JAZF1: variants seen among roughly 807,000 people sequenced by gnomAD.
The protein encoded by JAZF1 is juxtaposed with another zinc finger protein 1.
A neutral mutation model predicts 26.4 loss-of-function variants in JAZF1; 8 were observed. That is an observed-to-expected ratio of 0.30 (90% CI 0.18 to 0.55). JAZF1 has a LOEUF of 0.55. Ranked by LOEUF, JAZF1 falls within the 20% of genes least tolerant of loss-of-function variation. The probability of loss-of-function intolerance (pLI) is 0.94; values close to 1 mark genes in which losing one functional copy is unlikely to be tolerated. For synonymous variants in JAZF1, 126 were observed against 122.3 expected (o/e 1.03, Z -0.20); for missense variants, 199 against 322.0 (o/e 0.62, Z 2.92).
intron 1 of JAZF1, among the ~76,000 whole-genome samples, chr7:28,100,907 GA>G (rs915401444): frequency 6.6e-6 from 1 of 152,000 alleles, no homozygotes; most frequent in African/African-American, 2.4e-5. Context: ...TTAAAAACTG[GA>G]AAAAACAAAA....
chr7:28,123,236 C>A, intron 1 of JAZF1, among the ~76,000 whole-genome samples: 1 of 152,168 alleles, frequency 6.6e-6, no homozygotes, highest in Non-Finnish European at 1.5e-5. Flanking sequence ...TCATGACCAC[C>A]CCCAGCACCT....
At chr7:27,987,656 G>A in intron 2 of JAZF1, among the ~76,000 whole-genome samples, 1 of 152,180 alleles carries the variant, frequency 6.6e-6, no homozygotes, top group Non-Finnish European at 1.5e-5. Context: ...GAAGTGAGGA[G>A]CCCCTCTGCC....
At chr7:27,991,318 T>C (rs1785898211) in intron 2 of JAZF1, among the ~76,000 whole-genome samples, 1 of 152,180 alleles carries the variant, frequency 6.6e-6, no homozygotes, top group Non-Finnish European at 1.5e-5. Flanking sequence ...TATTACTGTC[T>C]CCCTAATTAT....
intron 3 of JAZF1, among the ~76,000 whole-genome samples, chr7:27,871,007 T>G (rs535327497): frequency 3.3e-5 from 5 of 152,300 alleles, no homozygotes; most frequent in African/African-American, 1.2e-4. Flanking sequence ...AGTACGTATA[T>G]GTAGATGCAG....
At chr7:28,145,637 T>A (rs1783015796) in intron 1 of JAZF1, among the ~76,000 whole-genome samples, 1 of 152,102 alleles carries the variant, frequency 6.6e-6, no homozygotes, top group South Asian at 2.1e-4. Context: ...ACAATTTATA[T>A]AAAATCAGAG....
At chr7:27,907,325 C>A (rs965400758) in intron 2 of JAZF1, among the ~76,000 whole-genome samples, 3 of 152,156 alleles carry the variant, frequency 2.0e-5, no homozygotes, top group Admixed American at 2.0e-4. Context: ...TGTTAGGAGA[C>A]CACTCAGAGT....
chr7:28,057,782 C>A (rs987409496), intron 1 of JAZF1, among the ~76,000 whole-genome samples: 1 of 152,136 alleles, frequency 6.6e-6, no homozygotes, highest in Non-Finnish European at 1.5e-5. Flanking sequence ...AGATTTAAAT[C>A]TCTGCCCTAA....
intron 1 of JAZF1, among the ~76,000 whole-genome samples, chr7:28,170,446 A>C (rs1482047191): frequency 6.6e-6 from 1 of 151,244 alleles, no homozygotes; most frequent in Non-Finnish European, 1.5e-5. Flanking sequence ...GTTTGTCAGG[A>C]GAACCTATCC....
At chr7:27,910,297 T>C (rs1204885535) in intron 2 of JAZF1, among the ~76,000 whole-genome samples, 1 of 152,218 alleles carries the variant, frequency 6.6e-6, no homozygotes, top group Non-Finnish European at 1.5e-5. Context: ...TTCCCCTACA[T>C]GCTCCATCCC....
intron 2 of JAZF1, among the ~76,000 whole-genome samples, chr7:27,972,254 C>T (rs1479825477): frequency 6.6e-6 from 1 of 152,172 alleles, no homozygotes; most frequent in African/African-American, 2.4e-5. Flanking sequence ...GAGGGAAGCC[C>T]TGCTGCGCAA....
intron 1 of JAZF1, among the ~76,000 whole-genome samples, chr7:28,125,852 T>G (rs1028365667): frequency 6.6e-6 from 1 of 152,192 alleles, no homozygotes; most frequent in African/African-American, 2.4e-5. Context: ...TCATCAGTGC[T>G]AAATGATAGA....
intron 1 of JAZF1, among the ~76,000 whole-genome samples, chr7:28,175,745 A>C (rs1783540864): frequency 6.6e-6 from 1 of 152,204 alleles, no homozygotes; most frequent in Non-Finnish European, 1.5e-5. Flanking sequence ...CTAATTGGCA[A>C]CTGGCATAGG....
intron 3 of JAZF1, among the ~76,000 whole-genome samples, 188 bp downstream of exon 3, chr7:27,895,029 CAAT>C: frequency 6.6e-6 from 1 of 152,114 alleles, no homozygotes; most frequent in African/African-American, 2.4e-5. Context: ...TGCATATTAA[CAAT>C]AATCTATAAA....
chr7:27,898,286 C>CATATATATATATATATATATATAT (rs10638646), intron 2 of JAZF1, among the ~76,000 whole-genome samples: 2 of 99,576 alleles, frequency 2.0e-5, no homozygotes, highest in African/African-American at 4.0e-5. Flanking sequence ...ACGTCTAACT[C>CATATATATATATATATATATATAT]ATATATATAT....
At position 28,030,160 on chromosome 7, in the gene JAZF1, T is replaced by G. The variant is rs1783165822; in HGVS notation, c.116-38179A>C. ...AGGGGCTGGCGCAGGATGGAGAATG[T>G]TTCTAAAGAATTGAAAAGGAGTGTT... On this transcript the variant is annotated intron_variant, in intron 1 of 4. Transcript: ENST00000283928. Among the ~76,000 whole-genome samples the G allele has an allele frequency of 1.3e-5, 2 of 152,306 alleles. 1 individual carries two copies. The highest frequency in any genetic ancestry group is 6.8e-3 in the Middle Eastern group (2 of 294).
chr7:27,893,433 C>T lies in JAZF1; in HGVS notation c.385+1787G>A, dbSNP rs73299425. On this transcript the variant is annotated intron_variant, in intron 3 of 4. Transcript: ENST00000283928. ...TGAATAAGACCCCCAGTGCCCTAGT[C>T]CCCGCCTACCTCCTCAGTCTCATCT... Among the ~76,000 whole-genome samples the T allele has an allele frequency of 4.0e-3, 608 of 152,316 alleles. 4 individuals are homozygous for T. Among genetic ancestry groups the T allele is most frequent in the African/African-American group, 0.014 (586 of 41,572 alleles).
chr7:27,988,920 T>TAAA (rs57661404), intron 2 of JAZF1, among the ~76,000 whole-genome samples: 8,407 of 83,388 alleles, frequency 0.1, 491 homozygotes, highest in East Asian at 0.3. Context: ...AGAATCTCTG[T>TAAA]AAAAAAAAAA....
intron 2 of JAZF1, among the ~76,000 whole-genome samples, chr7:27,955,916 C>A (rs1785080930): frequency 6.6e-6 from 1 of 152,200 alleles, no homozygotes; most frequent in African/African-American, 2.4e-5. Context: ...CTACGACCTA[C>A]AGCAGGTCCC....
chr7:27,971,015 C>T (rs1167702567), intron 2 of JAZF1, among the ~76,000 whole-genome samples: 1 of 152,190 alleles, frequency 6.6e-6, no homozygotes, highest in Non-Finnish European at 1.5e-5. Flanking sequence ...GAGAAGCACA[C>T]CGCCTAGTGC....
Sources: allele counts gnomAD v4.1 joint callset (sites outside exome capture counted in the v4.1 genomes callset), GRCh38; gene constraint gnomAD v4.1.1; transcripts MANE v1.5; gene names NCBI Gene and HGNC (gene_info 2026-07-23, HGNC 2026-07-21).